The following MMRN1 variants were observed in gnomAD, a reference collection of about 807,000 sequenced individuals.
MMRN1 encodes multimerin-1.
In MMRN1, 94 loss-of-function variants were observed where a neutral mutation model predicts 100.7. That is an observed-to-expected ratio of 0.93 (90% CI 0.79 to 1.11). The LOEUF is 1.11. Among genes scored for constraint, MMRN1 ranks in the 50% least tolerant of loss-of-function variants. The pLI is 0.00. For synonymous variants in MMRN1, 575 were observed against 505.0 expected (o/e 1.14, Z -1.86); for missense variants, 1,606 against 1,439.1 (o/e 1.12, Z -1.88).
At chr4:89,888,074 T>A (rs1345887668) in intron 1 of MMRN1, among the ~76,000 whole-genome samples, 1 of 151,252 alleles carries the variant, frequency 6.6e-6, no homozygotes, top group Non-Finnish European at 1.5e-5. Flanking sequence ...ATCAATTATC[T>A]ACATTTTTTA....
At chr4:89,950,373 C>A (rs1415000259) in intron 6 of MMRN1, among the ~76,000 whole-genome samples, 1 of 152,146 alleles carries the variant, frequency 6.6e-6, no homozygotes, top group African/African-American at 2.4e-5. Flanking sequence ...AAATGTTTGG[C>A]TCAAAGTAAA....
intron 6 of MMRN1, among the ~76,000 whole-genome samples, chr4:89,944,333 CCAAGTTTCTCTT>C (rs1248577141): frequency 2.6e-5 from 4 of 152,134 alleles, no homozygotes; most frequent in African/African-American, 7.2e-5. Context: ...ATAAATATTG[CCAAGTTTCTCTT>C]CAGAGAGTAT....
In MMRN1 at chr4:89,909,349, G is replaced by C. The variant is rs779907690; in HGVS notation, c.697G>C (p.Gly233Arg). ...GGACAACCAGGTCACTTATGTCCCA[G>C]GTGGGAAAGGACCTTGTGGCTGGAC... ...ILDNQVTYVP[G>R]GKGPCGWTGG... The change falls in exon 2 of 8, where the codon GGT becomes CGT. Residue 233 changes from glycine (G) to arginine (R), a missense_variant. Gly to Arg is a moderately radical substitution (Grantham distance 125). Transcript: ENST00000264790. 7 of 1,610,060 alleles carry C rather than the reference G, an allele frequency of 4.3e-6. No individual in the cohort carries two copies. The highest frequency in any genetic ancestry group is 5.1e-6 in the Non-Finnish European group (6 of 1,177,546).
chr4:89,924,671 C>T (rs528953740), intron 4 of MMRN1, among the ~76,000 whole-genome samples: 12 of 151,576 alleles, frequency 7.9e-5, no homozygotes, highest in East Asian at 5.8e-4. Context: ...GGTGAAACCC[C>T]GTCTCTACTA....
At chr4:89,938,376 A>G (rs941563823) in intron 6 of MMRN1, among the ~76,000 whole-genome samples, 1 of 149,648 alleles carries the variant, frequency 6.7e-6, no homozygotes, top group Non-Finnish European at 1.5e-5. Context: ...TTTCCATACT[A>G]TTTCCATTAT....
At position 89,951,718 on chromosome 4, in the gene MMRN1, A is replaced by T. The variant is rs200028392; in HGVS notation, c.3232A>T (p.Ile1078Phe). The T allele has an allele frequency of 7.7e-5, 124 of 1,612,690 alleles. No homozygotes were observed. The highest frequency in any genetic ancestry group is 2.0e-4 in the Admixed American group (12 of 59,780). The change falls in exon 7 of 8, where the codon ATC (isoleucine) becomes TTC (phenylalanine). Residue 1078 changes from isoleucine (I) to phenylalanine (F), a missense_variant. Transcript: ENST00000264790. ...RHPFTGDNCT[I>F]KLVEENALAP... is the part of the protein sequence containing the mutation. ...TCCTTTTACTGGTGACAACTGCACT[A>T]TCAAGCTTGTGGAAGAAAATGCTTT...
intron 3 of MMRN1, among the ~76,000 whole-genome samples, chr4:89,922,360 C>G (rs1369300065): frequency 6.6e-6 from 1 of 152,104 alleles, no homozygotes; most frequent in Non-Finnish European, 1.5e-5. Flanking sequence ...CCTGCCTCAG[C>G]CTCCCAAAGT....
chr4:89,935,226 G>A lies in MMRN1; in HGVS notation c.1546G>A (p.Val516Ile), dbSNP rs141872900. The A allele has an allele frequency of 1.9e-6, 3 of 1,613,582 alleles. No individual in the cohort carries two copies. The highest frequency in any genetic ancestry group is 1.1e-5 in the South Asian group (1 of 90,992). ...LNKTLSKLKE[V>I]HEQLLSTEQV... ...TAAAACTCTTTCTAAATTGAAGGAAGTACATGAGCAGCTTTTATCAACTGA... is the reference window on the plus strand; with the variant it reads ...TAAAACTCTTTCTAAATTGAAGGAAATACATGAGCAGCTTTTATCAACTGA... The change falls in exon 6 of 8, where the codon GTA becomes ATA. Residue 516 changes from valine to isoleucine, a missense_variant. By Grantham distance (29) the Val-to-Ile change is conservative (BLOSUM62 3). Coordinates refer to ENST00000264790, the MANE Select transcript of MMRN1 (RefSeq NM_007351.3).
At chr4:89,919,127 G>A (rs1262881071) in intron 3 of MMRN1, among the ~76,000 whole-genome samples, 2 of 151,322 alleles carry the variant, frequency 1.3e-5, no homozygotes, top group Non-Finnish European at 3.0e-5. Context: ...GGTAAGTTCT[G>A]TAATACTTTT....
At chr4:89,949,789 G>A (rs1348323417) in intron 6 of MMRN1, among the ~76,000 whole-genome samples, 4 of 152,022 alleles carry the variant, frequency 2.6e-5, no homozygotes, top group Admixed American at 6.6e-5. Context: ...TAATAATACA[G>A]GCATGCCGTT....
intron 6 of MMRN1, among the ~76,000 whole-genome samples, chr4:89,938,100 T>C (rs980896809): frequency 3.3e-5 from 5 of 152,148 alleles, no homozygotes; most frequent in Admixed American, 1.3e-4. Context: ...TGATCATTAT[T>C]CTAACATAAT....
intron 3 of MMRN1, among the ~76,000 whole-genome samples, chr4:89,918,871 T>C (rs1221089444): frequency 1.3e-5 from 2 of 151,848 alleles, no homozygotes; most frequent in African/African-American, 2.4e-5. Context: ...ATTACTAATG[T>C]AGCATTAAAG....
At chr4:89,905,050 G>C (rs1054090461) in intron 1 of MMRN1, among the ~76,000 whole-genome samples, 5 of 151,560 alleles carry the variant, frequency 3.3e-5, no homozygotes, top group Non-Finnish European at 7.4e-5. Flanking sequence ...GACTTATAGA[G>C]TTGAGAATGA....
intron 6 of MMRN1, among the ~76,000 whole-genome samples, chr4:89,941,304 CT>C (rs1458747535): frequency 6.6e-6 from 1 of 152,068 alleles, no homozygotes; most frequent in Admixed American, 6.6e-5. Flanking sequence ...ACATCTGTGG[CT>C]TATTATGGCA....
Position 89,936,227 on chromosome 4 carries a change from C to G in MMRN1, c.2547C>G (p.Leu849=), listed in dbSNP as rs754413435. Residue 849 remains leucine (L), a synonymous_variant, in exon 6 of 8, where the codon CTC becomes CTG. Coordinates refer to ENST00000264790, the MANE Select transcript of MMRN1 (RefSeq NM_007351.3). The stretch of plus-strand genomic sequence containing the variant: ...TGAGTCATTTGGAAGAAAAACTACT[C>G]TTAACTACCAAGATTTCCAAAAATT... ...QNMSHLEEKL[L]LTTKISKNFE... is the part of the protein sequence containing the mutation. 67 of 1,605,384 alleles carry G rather than the reference C, an allele frequency of 4.2e-5. No homozygotes were observed. Among genetic ancestry groups the G allele is most frequent in the South Asian group, 1.5e-4 (13 of 88,646 alleles).
chr4:89,890,152 T>C (rs911613672), upstream of MMRN1, among the ~76,000 whole-genome samples: 2 of 151,976 alleles, frequency 1.3e-5, no homozygotes, highest in African/African-American at 4.8e-5. Context: ...TGGGACACCT[T>C]GTTATAACCT....
In MMRN1 at chr4:89,953,516, G is replaced by T; in HGVS notation, c.*98G>T. On this transcript the variant is annotated 3_prime_UTR_variant, in exon 8 of 8. Coordinates refer to ENST00000264790, the MANE Select transcript of MMRN1 (RefSeq NM_007351.3). ...CTGCTCTGTTTTGGTTTTTCTACAG[G>T]AAATGAAAATCAACTTGTTTTTTTA... 1 of 1,092,962 alleles carries T rather than the reference G, an allele frequency of 9.1e-7. No individual in the cohort carries two copies. The highest frequency in any genetic ancestry group is 2.6e-5 in the East Asian group (1 of 38,068). 67.7% of individuals were successfully genotyped at this position (1,092,962 alleles called of 1,614,324 possible).
rs140207485 is a variant in MMRN1, at chr4:89,899,683, A to G, written c.623+4089A>G. On this transcript the variant is annotated intron_variant, in intron 1 of 7. Transcript: ENST00000264790. ...CCAACCCCTGTACACATGTATCTTA[A>G]TTTTTACCAAATCAGTGAATGGCTA... Among the ~76,000 whole-genome samples, 595 of 152,178 alleles carry G rather than the reference A, an allele frequency of 3.9e-3. 8 individuals carry two copies. Among genetic ancestry groups the G allele is most frequent in the African/African-American group, 0.014 (573 of 41,530 alleles).
At position 89,935,557 on chromosome 4, in the gene MMRN1, T is replaced by C; in HGVS notation, c.1877T>C (p.Phe626Ser). 2 of 1,613,400 alleles carry C rather than the reference T, an allele frequency of 1.2e-6. No homozygotes were observed. The highest frequency in any genetic ancestry group is 1.7e-6 in the Non-Finnish European group (2 of 1,179,716). The change falls in exon 6 of 8, where the codon TTT becomes TCT. Residue 626 changes from phenylalanine (F) to serine (S), a missense_variant. Physicochemically the swap from Phe to Ser is radical, Grantham distance 155 (BLOSUM62 -2). Coordinates refer to ENST00000264790, the MANE Select transcript of MMRN1 (RefSeq NM_007351.3). ...AATCAAACATTGGCTGAAGTTCTCT[T>C]TCCAATGGACAATAAGATGGACAAA... ...VLNQTLAEVL[F>S]PMDNKMDKMS...
Sources: gnomAD v4.1 joint callset for allele counts (sites outside exome capture counted in the v4.1 genomes callset) on GRCh38, gnomAD v4.1.1 for gene constraint, MANE v1.5 for transcripts, NCBI Gene and HGNC (gene_info 2026-07-23, HGNC 2026-07-21) for gene names.